Variants in PITPNA observed in about 807,000 individuals in gnomAD.
The protein encoded by PITPNA is phosphatidylinositol transfer protein alpha, also known as phosphatidylinositol transfer protein alpha isoform.
Under a neutral mutation model 50.3 loss-of-function variants are expected in PITPNA, and 13 were observed. The ratio of observed to expected loss-of-function variants is 0.26; its 90% CI spans 0.17 to 0.41. The LOEUF (loss-of-function observed/expected upper bound fraction) is 0.41, where lower values mean the gene tolerates loss of function less well. Among genes scored for constraint, PITPNA ranks in the 10% least tolerant of loss-of-function variants. PITPNA has a pLI of 1.00. For missense variants in PITPNA, 207 were observed against 333.4 expected (o/e 0.62, Z 2.95); for synonymous variants, 120 against 119.6 (o/e 1.00, Z -0.02).
intron 2 of PITPNA, among the ~76,000 whole-genome samples, chr17:1,557,150 C>A (rs2075739025): frequency 6.6e-6 from 1 of 152,118 alleles, no homozygotes; most frequent in Non-Finnish European, 1.5e-5. Context: ...CTTTTCTGCC[C>A]TTCCCAGAAC....
intron 2 of PITPNA, among the ~76,000 whole-genome samples, chr17:1,553,864 G>C (rs1469838892): frequency 6.6e-6 from 1 of 152,148 alleles, no homozygotes; most frequent in Non-Finnish European, 1.5e-5. Context: ...GAAACCTCTT[G>C]ACATTTTCCA....
chr17:1,523,354 T>A (rs570913967), intron 10 of PITPNA, among the ~76,000 whole-genome samples: 1 of 152,180 alleles, frequency 6.6e-6, no homozygotes, highest in African/African-American at 2.4e-5. Flanking sequence ...ACTGTATTGT[T>A]TTGTTTGAGA....
At chr17:1,558,697 T>C (rs2075751983) in intron 1 of PITPNA, 138 bp from the exon 2 acceptor site, 1 of 655,088 alleles carries the variant, frequency 1.5e-6, no homozygotes, top group African/African-American at 1.8e-5. Context: ...CCACAGAGAA[T>C]GGCCCTTTGA....
intron 10 of PITPNA, among the ~76,000 whole-genome samples, chr17:1,527,441 C>T (rs1421193296): frequency 6.6e-6 from 1 of 152,070 alleles, no homozygotes. Flanking sequence ...TGGGGTTTCT[C>T]CATGTTACTC....
At chr17:1,556,929 A>G (rs2075737766) in intron 2 of PITPNA, among the ~76,000 whole-genome samples, 2 of 152,098 alleles carry the variant, frequency 1.3e-5, no homozygotes, top group Non-Finnish European at 1.5e-5. Context: ...CCCTATCTCC[A>G]CTATTTAAAA....
chr17:1,537,416 C>T (rs1381618554), intron 7 of PITPNA, among the ~76,000 whole-genome samples: 1 of 152,138 alleles, frequency 6.6e-6, no homozygotes, highest in East Asian at 1.9e-4. Flanking sequence ...CCAAGCTGGT[C>T]TCAAACTCCT....
intron 5 of PITPNA, among the ~76,000 whole-genome samples, chr17:1,542,517 C>T (rs2075652952): frequency 6.6e-6 from 1 of 152,186 alleles, no homozygotes; most frequent in African/African-American, 2.4e-5. Flanking sequence ...CAGCAGGAAC[C>T]AGTTTCCCAG....
chr17:1,528,051 C>T (rs961932758), intron 10 of PITPNA, among the ~76,000 whole-genome samples: 3 of 152,082 alleles, frequency 2.0e-5, no homozygotes, highest in African/African-American at 4.8e-5. Flanking sequence ...ATTAGGTAGG[C>T]GTGGTGGCCT....
intron 3 of PITPNA, among the ~76,000 whole-genome samples, chr17:1,549,264 CTTT>C (rs111372952): frequency 2.4e-5 from 3 of 126,188 alleles, no homozygotes; most frequent in Admixed American, 8.1e-5. Flanking sequence ...AAGCCCCCTG[CTTT>C]TTTTTTTTTT....
intron 10 of PITPNA, among the ~76,000 whole-genome samples, chr17:1,525,699 G>A (rs1465047487): frequency 1.3e-5 from 2 of 151,914 alleles, no homozygotes; most frequent in Non-Finnish European, 2.9e-5. Context: ...TCTATTTTTA[G>A]TAGAGACGAG....
chr17:1,531,698 T>C (rs1326713371), intron 10 of PITPNA, among the ~76,000 whole-genome samples: 1 of 150,712 alleles, frequency 6.6e-6, no homozygotes, highest in African/African-American at 2.4e-5. Flanking sequence ...AGCATCAGCA[T>C]AGATTATTTG....
intron 3 of PITPNA, among the ~76,000 whole-genome samples, chr17:1,550,330 G>A (rs940789609): frequency 3.8e-4 from 58 of 152,330 alleles, no homozygotes; most frequent in Admixed American, 1.6e-3. Context: ...AACACAGTGG[G>A]GGACATGCAG....
At chr17:1,541,216 C>A (rs2075646311) in intron 6 of PITPNA, among the ~76,000 whole-genome samples, 1 of 152,116 alleles carries the variant, frequency 6.6e-6, no homozygotes, top group African/African-American at 2.4e-5. Context: ...TGTCTAAATT[C>A]TTGGGCATGG....
At chr17:1,549,192 C>T (rs934365295) in intron 3 of PITPNA, among the ~76,000 whole-genome samples, 6 of 152,166 alleles carry the variant, frequency 3.9e-5, no homozygotes, top group African/African-American at 1.4e-4. Context: ...AGGCATGAGC[C>T]ACCGCGCCCG....
chr17:1,533,998 C>T, intron 10 of PITPNA, 101 bp downstream of exon 10: 1 of 1,387,296 alleles, frequency 7.2e-7, no homozygotes, highest in Non-Finnish European at 1.0e-6. Context: ...GACGTGTTCC[C>T]AGAACTACAG....
Position 1,562,302 on chromosome 17 carries a change from T to C in PITPNA, c.20+239A>G, listed in dbSNP as rs1420218959. 4.1e-5 allele frequency among the ~76,000 whole-genome samples: 6 copies of C among 147,920 alleles called. No homozygotes were observed. The highest frequency in any genetic ancestry group is 2.0e-4 in the East Asian group (1 of 4,984). ...CGGCTCAGATGCCGAACGCCCCGGC[T>C]GCCCCTCCACGCCCCGGCCGCCCCT... On this transcript the variant is annotated intron_variant, in intron 1 of 11. Coordinates refer to ENST00000313486, the MANE Select transcript of PITPNA (RefSeq NM_006224.4). The surrounding 1 kb of genome is among the most constrained non-coding windows in gnomAD (Gnocchi z 6.4).
chr17:1,539,189 C>T (rs1555531417), intron 6 of PITPNA, among the ~76,000 whole-genome samples: 1 of 152,154 alleles, frequency 6.6e-6, no homozygotes, highest in Non-Finnish European at 1.5e-5. Flanking sequence ...GGAGTGATCA[C>T]AGCACACTCT....
intron 6 of PITPNA, among the ~76,000 whole-genome samples, 192 bp downstream of exon 6, chr17:1,541,374 A>C (rs2075647030): frequency 6.6e-6 from 1 of 152,186 alleles, no homozygotes; most frequent in Non-Finnish European, 1.5e-5. Context: ...CCCCATAAAA[A>C]GTTCCGGAGA....
intron 7 of PITPNA, among the ~76,000 whole-genome samples, chr17:1,537,302 A>C (rs2075624116): frequency 6.6e-6 from 1 of 152,014 alleles, no homozygotes; most frequent in Non-Finnish European, 1.5e-5. Flanking sequence ...TGACCTCGTG[A>C]TCTGCCCACC....
Sources: gnomAD v4.1 joint callset for allele counts (sites outside exome capture counted in the v4.1 genomes callset) on GRCh38, gnomAD v4.1.1 for gene constraint, Gnocchi (gnomAD v3.1) non-coding constraint, MANE v1.5 for transcripts, NCBI Gene and HGNC (gene_info 2026-07-23, HGNC 2026-07-21) for gene names.